Variants in SMAP1 observed in about 807,000 individuals in gnomAD.
The protein encoded by SMAP1 is small ArfGAP 1, also known as stromal membrane-associated protein 1.
A neutral mutation model predicts 58.5 loss-of-function variants in SMAP1; 24 were observed. That is an observed-to-expected ratio of 0.41 (90% CI 0.30 to 0.58). The LOEUF (loss-of-function observed/expected upper bound fraction) is 0.58, where lower values mean the gene tolerates loss of function less well. Among genes scored for constraint, SMAP1 ranks in the 20% least tolerant of loss-of-function variants. The probability of loss-of-function intolerance (pLI) is 0.29; values close to 1 mark genes in which losing one functional copy is unlikely to be tolerated. For synonymous variants in SMAP1, 216 were observed against 196.6 expected, an observed-to-expected ratio of 1.10 and a Z score of -0.82; for missense variants, 563 against 566.3, an observed-to-expected ratio of 0.99 and a Z score of 0.06.
At chr6:70,850,116 A>T (rs1343754045) in intron 7 of SMAP1, among the ~76,000 whole-genome samples, 1 of 152,218 alleles carries the variant, frequency 6.6e-6, no homozygotes, top group Non-Finnish European at 1.5e-5. Flanking sequence ...GAGGAGTCTA[A>T]GGTACTAAGT....
At chr6:70,804,932 T>G (rs1769050201) in intron 6 of SMAP1, among the ~76,000 whole-genome samples, 1 of 148,710 alleles carries the variant, frequency 6.7e-6, no homozygotes, top group Admixed American at 6.7e-5. Context: ...CCTTAACACT[T>G]TTTTTTTTTT....
chr6:70,832,121 T>G (rs141879123), intron 6 of SMAP1, among the ~76,000 whole-genome samples: 300 of 152,290 alleles, frequency 2.0e-3, no homozygotes, highest in Non-Finnish European at 2.1e-3. Context: ...GTTTTTTGGT[T>G]GTTATTTCGT....
At chr6:70,719,578 C>G (rs972844154) in intron 1 of SMAP1, among the ~76,000 whole-genome samples, 3 of 152,114 alleles carry the variant, frequency 2.0e-5, no homozygotes, top group African/African-American at 7.2e-5. Context: ...GCGTTTGTCT[C>G]CTGTATCAGT....
intron 3 of SMAP1, among the ~76,000 whole-genome samples, chr6:70,763,726 C>G (rs372559921): frequency 2.0e-5 from 3 of 152,160 alleles, no homozygotes; most frequent in South Asian, 4.1e-4. Context: ...AGCAAAACAG[C>G]CTTTTTGCTG....
At chr6:70,718,529 G>A (rs1338646661) in intron 1 of SMAP1, among the ~76,000 whole-genome samples, 4 of 152,098 alleles carry the variant, frequency 2.6e-5, no homozygotes, top group African/African-American at 9.7e-5. Flanking sequence ...TTATAAGAAT[G>A]CGATGCTTGG....
chr6:70,676,124 C>G (rs922676809), intron 1 of SMAP1, among the ~76,000 whole-genome samples: 2 of 152,166 alleles, frequency 1.3e-5, no homozygotes, highest in African/African-American at 4.8e-5. Flanking sequence ...GACGCTTGCT[C>G]CTAATTTCCC....
At chr6:70,799,514 A>G (rs535902108) in intron 6 of SMAP1, among the ~76,000 whole-genome samples, 1 of 152,310 alleles carries the variant, frequency 6.6e-6, no homozygotes, top group East Asian at 1.9e-4. Flanking sequence ...ATTTCATCAT[A>G]AGAGTATGGA....
At position 70,858,103 on chromosome 6, in the gene SMAP1, A is replaced by T; in HGVS notation, c.1143A>T (p.Gln381His). Residue 381 changes from glutamine to histidine, a missense_variant, in exon 10 of 11, where the codon CAA becomes CAT. Gln to His is a conservative substitution (Grantham distance 24). This residue lies in a region of SMAP1 where 494 missense variants were observed against 473.8 expected (regional missense o/e 1.04). Coordinates refer to ENST00000370455, the MANE Select transcript of SMAP1 (RefSeq NM_001044305.3). ...CCAATGGGTTTATGGGAAATGCACA[A>T]ACTGGTGTGATGCCACTTCCTCAGA... is the stretch of plus-strand genomic sequence containing the variant. The part of the protein sequence containing the change: ...PMPNGFMGNA[Q>H]TGVMPLPQNV... 6.2e-7 allele frequency: 1 copy of T among 1,614,030 alleles called. No individual in the cohort carries two copies. The highest frequency in any genetic ancestry group is 8.5e-7 in the Non-Finnish European group (1 of 1,179,990).
chr6:70,840,797 C>T lies in SMAP1; in HGVS notation c.664+3769C>T, dbSNP rs564704921. Among the ~76,000 whole-genome samples the T allele has an allele frequency of 4.6e-5, 7 of 152,320 alleles. 1 individual carries two copies. The South Asian group carries it at 1.2e-3, about 27-fold the overall frequency. On this transcript the variant is annotated intron_variant, in intron 7 of 10. Transcript: ENST00000370455. ...GCCTCGTCTTAGAAATTACCAAGGG[C>T]CTGGGGCCCCTCTTGACTAAGTGCC...
intron 10 of SMAP1, chr6:70,858,982 C>G (rs145817134): frequency 5.8e-6 from 1 of 173,214 alleles, no homozygotes; most frequent in Non-Finnish European, 1.2e-5. Flanking sequence ...GACAAAGGCT[C>G]TTAGAGAGGT....
At chr6:70,857,616 A>AAAAC (rs1196377107) in intron 9 of SMAP1, 3 of 318,598 alleles carry the variant, frequency 9.4e-6, no homozygotes, top group Non-Finnish European at 1.8e-5. Flanking sequence ...AATCAGCAAT[A>AAAAC]AAACAGTGTA....
intron 5 of SMAP1, among the ~76,000 whole-genome samples, chr6:70,796,941 AT>A (rs1768631497): frequency 1.3e-5 from 2 of 152,114 alleles, no homozygotes; most frequent in Admixed American, 1.3e-4. Flanking sequence ...CTATCCATGT[AT>A]TCTTCTTTTG....
chr6:70,682,817 C>T (rs1766775984), intron 1 of SMAP1, among the ~76,000 whole-genome samples: 1 of 152,166 alleles, frequency 6.6e-6, no homozygotes, highest in Non-Finnish European at 1.5e-5. Flanking sequence ...GTAGGCCGAT[C>T]ACTTGAGGTC....
chr6:70,762,438 TGTTTCTTTAGGTGAACTAACA>T (rs1168758678), intron 3 of SMAP1, among the ~76,000 whole-genome samples: 2 of 152,144 alleles, frequency 1.3e-5, no homozygotes. Context: ...GATAAATAAC[TGTTTCTTTAGGTGAACTAACA>T]GTACAGAATT....
At chr6:70,795,823 C>T (rs561529423) in intron 5 of SMAP1, among the ~76,000 whole-genome samples, 8 of 151,898 alleles carry the variant, frequency 5.3e-5, no homozygotes, top group Admixed American at 2.0e-4. Context: ...CTGCAACCTC[C>T]GCCTCCTGGA....
chr6:70,677,301 G>T (rs1219973868), intron 1 of SMAP1, among the ~76,000 whole-genome samples: 1 of 151,058 alleles, frequency 6.6e-6, no homozygotes, highest in Non-Finnish European at 1.5e-5. Flanking sequence ...GCAAAGCTAG[G>T]ATTCAGTCCA....
At chr6:70,668,197 C>A in intron 1 of SMAP1, 56 bp downstream of exon 1, 1 of 1,476,556 alleles carries the variant, frequency 6.8e-7, no homozygotes. Context: ...CGGTGACCTT[C>A]CCGCCGCTGC....
intron 1 of SMAP1, among the ~76,000 whole-genome samples, chr6:70,678,075 C>T (rs1258805681): frequency 6.6e-6 from 1 of 152,144 alleles, no homozygotes. Context: ...ATAAAGTGCT[C>T]TTGGAAACAT....
Position 70,773,188 on chromosome 6 carries a change from A to C in SMAP1, c.339-162A>C, listed in dbSNP as rs887586243. 10 of 520,194 alleles carry C rather than the reference A, an allele frequency of 1.9e-5. No individual in the cohort carries two copies. The South Asian group carries it at 2.5e-4, about 13-fold the overall frequency. 32.2% of individuals were successfully genotyped at this position (520,194 alleles called of 1,614,324 possible). ...GAGGTAGACTTCTTTAAGAGAAAGA[A>C]AAGTAGTTTACAGAATGTAGTTGCA... On this transcript the variant is annotated intron_variant, in intron 3 of 10. Transcript: ENST00000370455.
Sources: allele counts gnomAD v4.1 joint callset (sites outside exome capture counted in the v4.1 genomes callset), GRCh38; gene constraint gnomAD v4.1.1; regional missense constraint gnomAD v4.1.1; transcripts MANE v1.5; gene names NCBI Gene and HGNC (gene_info 2026-07-23, HGNC 2026-07-21).